The following SRGAP1 variants were observed in gnomAD, a reference collection of about 807,000 sequenced individuals.
SRGAP1 encodes SLIT-ROBO Rho GTPase-activating protein 1.
In SRGAP1, 43 loss-of-function variants were observed where a neutral mutation model predicts 121.9. The ratio of observed to expected loss-of-function variants is 0.35; its 90% CI spans 0.28 to 0.46. The LOEUF is 0.46. SRGAP1 is among the 20% of genes least tolerant of loss of function. SRGAP1 has a pLI of 1.00. For synonymous variants in SRGAP1, 447 were observed against 485.4 expected (o/e 0.92, Z 1.04); for missense variants, 1,102 against 1,350.9 (o/e 0.82, Z 2.89).
rs538423735 is a variant in SRGAP1, at chr12:64,024,266, T to TA, written c.489+7260dup. On this transcript the variant is annotated intron_variant, in intron 4 of 21. Coordinates refer to ENST00000355086, the MANE Select transcript of SRGAP1 (RefSeq NM_020762.4). ...CAACATGGCAAAAACCTGTCTCTCC[T>TA]AAAAAATTAATAAATTTAGCTGGGT... 2.0e-5 allele frequency among the ~76,000 whole-genome samples: 3 copies of TA among 152,196 alleles called. No individual in the cohort carries two copies. The South Asian group carries it at 6.2e-4, about 32-fold the overall frequency.
At chr12:63,861,300 A>AT (rs1305746499) in intron 1 of SRGAP1, among the ~76,000 whole-genome samples, 55 of 125,830 alleles carry the variant, frequency 4.4e-4, no homozygotes, top group African/African-American at 1.3e-3. Context: ...ATATATATAT[A>AT]TATTTTTTTT....
intron 15 of SRGAP1, among the ~76,000 whole-genome samples, chr12:64,104,560 A>G (rs2036309210): frequency 1.3e-5 from 2 of 152,226 alleles, no homozygotes; most frequent in Non-Finnish European, 2.9e-5. Context: ...TTTGCCCACT[A>G]ACTGGACTCA....
chr12:63,877,787 C>G (rs1343978755), intron 1 of SRGAP1, among the ~76,000 whole-genome samples: 4 of 152,220 alleles, frequency 2.6e-5, no homozygotes, highest in African/African-American at 4.8e-5. Flanking sequence ...TAGATACCAT[C>G]TTTCTAGTCA....
intron 6 of SRGAP1, among the ~76,000 whole-genome samples, chr12:64,051,793 T>A (rs529150309): frequency 6.6e-6 from 1 of 152,284 alleles, no homozygotes; most frequent in East Asian, 1.9e-4. Context: ...TCTCTCTTTT[T>A]CTCTGTATCT....
chr12:63,935,567 T>C (rs1373586774), intron 1 of SRGAP1, among the ~76,000 whole-genome samples: 1 of 152,208 alleles, frequency 6.6e-6, no homozygotes, highest in African/African-American at 2.4e-5. Flanking sequence ...ATAAATGAAA[T>C]TGCTAAATAT....
intron 1 of SRGAP1, among the ~76,000 whole-genome samples, chr12:63,917,541 G>A (rs1395261057): frequency 6.6e-6 from 1 of 152,230 alleles, no homozygotes; most frequent in East Asian, 1.9e-4. Flanking sequence ...GGAAGGGACT[G>A]CATGGGCTTC....
At chr12:63,884,962 C>T (rs900122727) in intron 1 of SRGAP1, among the ~76,000 whole-genome samples, 1 of 152,024 alleles carries the variant, frequency 6.6e-6, no homozygotes, top group South Asian at 2.1e-4. Context: ...CCTCGTGATC[C>T]GCCCGCCTCG....
At chr12:63,969,211 G>A (rs572538518) in intron 1 of SRGAP1, among the ~76,000 whole-genome samples, 6 of 152,250 alleles carry the variant, frequency 3.9e-5, no homozygotes, top group African/African-American at 1.4e-4. Context: ...TCTGTTTGGT[G>A]TCAGAGCTAC....
At chr12:64,100,343 A>T (rs558362029) in intron 15 of SRGAP1, among the ~76,000 whole-genome samples, 2 of 152,338 alleles carry the variant, frequency 1.3e-5, no homozygotes, top group African/African-American at 4.8e-5. Flanking sequence ...AATACCTTGT[A>T]GCAATCAATG....
Position 64,061,909 on chromosome 12 carries a change from T to G in SRGAP1, c.802-1008T>G, listed in dbSNP as rs571716364. On this transcript the variant is annotated intron_variant, in intron 6 of 21. Coordinates refer to ENST00000355086, the MANE Select transcript of SRGAP1 (RefSeq NM_020762.4). ...GCTGAATAATATTTAATGATATGGC[T>G]ATACCATATTTTATTTATTAGTTTG... Among the ~76,000 whole-genome samples, 5 of 152,360 alleles carry G rather than the reference T, an allele frequency of 3.3e-5. No individual in the cohort carries two copies. In the East Asian group the frequency reaches 9.6e-4, roughly 29 times the overall value.
intron 18 of SRGAP1, among the ~76,000 whole-genome samples, chr12:64,119,960 A>G (rs1475997573): frequency 2.0e-5 from 3 of 151,658 alleles, no homozygotes; most frequent in Non-Finnish European, 2.9e-5. Context: ...TAGAAGAGAC[A>G]GGGTTTCACC....
chr12:64,144,662 G>A lies in SRGAP1; in HGVS notation c.*1990G>A, dbSNP rs1022352422. On this transcript the variant is annotated 3_prime_UTR_variant, in exon 22 of 22. Transcript: ENST00000355086. Reference sequence around the variant, plus strand: ...ACTTTTTGCCCATTTTGAAAAAGAAGCCCAGGACAGCACCTTGTCTAGCCC... The same window carrying A: ...ACTTTTTGCCCATTTTGAAAAAGAAACCCAGGACAGCACCTTGTCTAGCCC... 32 of 151,984 alleles carry A rather than the reference G, an allele frequency of 2.1e-4. No homozygotes were observed. Among genetic ancestry groups the A allele is most frequent in the African/African-American group, 7.0e-4 (29 of 41,418 alleles). The allele number at this position is 151,984 out of a possible 1,614,324, so 9.4% of individuals were successfully genotyped here.
At chr12:63,861,044 G>T (rs1899428583) in intron 1 of SRGAP1, among the ~76,000 whole-genome samples, 1 of 150,520 alleles carries the variant, frequency 6.6e-6, no homozygotes, top group Admixed American at 6.6e-5. Flanking sequence ...ACCTTTTTAA[G>T]GTTTGTATTT....
At chr12:63,867,716 A>C (rs2136273259) in intron 1 of SRGAP1, among the ~76,000 whole-genome samples, 1 of 152,260 alleles carries the variant, frequency 6.6e-6, no homozygotes, top group African/African-American at 2.4e-5. Context: ...TGCTATCATA[A>C]TATTATTTAC....
chr12:64,113,846 C>T (rs1313204767), intron 17 of SRGAP1, among the ~76,000 whole-genome samples: 1 of 152,168 alleles, frequency 6.6e-6, no homozygotes, highest in African/African-American at 2.4e-5. Context: ...TCTTACTCAG[C>T]AACCTCCCTG....
At chr12:64,021,779 C>T (rs187546732) in intron 4 of SRGAP1, among the ~76,000 whole-genome samples, 30 of 152,272 alleles carry the variant, frequency 2.0e-4, no homozygotes, top group Admixed American at 3.9e-4. Flanking sequence ...GCAAATTGAA[C>T]ATGTGGCTCA....
At chr12:63,969,346 G>A (rs1292398731) in intron 1 of SRGAP1, among the ~76,000 whole-genome samples, 1 of 152,042 alleles carries the variant, frequency 6.6e-6, no homozygotes, top group Non-Finnish European at 1.5e-5. Flanking sequence ...AAGCGGTGGG[G>A]GTGGGGAGGT....
intron 16 of SRGAP1, among the ~76,000 whole-genome samples, chr12:64,111,062 G>A (rs1203256543): frequency 6.6e-6 from 1 of 152,168 alleles, no homozygotes; most frequent in Non-Finnish European, 1.5e-5. Context: ...TTGAGTCACT[G>A]TGAAAATATT....
At chr12:64,019,207 A>G (rs1389170384) in intron 4 of SRGAP1, among the ~76,000 whole-genome samples, 1 of 152,204 alleles carries the variant, frequency 6.6e-6, no homozygotes, top group Non-Finnish European at 1.5e-5. Flanking sequence ...TGAGAGATAT[A>G]TATAATTAAA....
Sources: gnomAD v4.1 joint callset for allele counts (sites outside exome capture counted in the v4.1 genomes callset) on GRCh38, gnomAD v4.1.1 for gene constraint, MANE v1.5 for transcripts, NCBI Gene and HGNC (gene_info 2026-07-23, HGNC 2026-07-21) for gene names.